Variants in SEMA3A observed in about 807,000 individuals in gnomAD.
SEMA3A encodes the protein semaphorin-3A.
Under a neutral mutation model 97.9 loss-of-function variants are expected in SEMA3A, and 29 were observed. The ratio of observed to expected loss-of-function variants is 0.30; its 90% CI spans 0.22 to 0.40. The LOEUF is 0.40. SEMA3A is among the 10% of genes least tolerant of loss of function. SEMA3A has a pLI of 1.00. For missense variants in SEMA3A, 763 were observed against 951.3 expected (o/e 0.80, Z 2.60); for synonymous variants, 321 against 323.7 (o/e 0.99, Z 0.09).
chr7:84,405,984 A>G (rs1239021008), intron 1 of SEMA3A, among the ~76,000 whole-genome samples: 1 of 152,196 alleles, frequency 6.6e-6, no homozygotes, highest in Non-Finnish European at 1.5e-5. Flanking sequence ...ACACAATTAA[A>G]AGAACTAGAG....
intron 3 of SEMA3A, among the ~76,000 whole-genome samples, chr7:84,120,837 T>C (rs1795588846): frequency 6.6e-6 from 1 of 152,126 alleles, no homozygotes; most frequent in Non-Finnish European, 1.5e-5. Context: ...TAACAAAAGA[T>C]TGTGACTCAG....
intron 5 of SEMA3A, among the ~76,000 whole-genome samples, chr7:84,047,383 T>C (rs914707509): frequency 6.6e-6 from 1 of 152,018 alleles, no homozygotes; most frequent in African/African-American, 2.4e-5. Context: ...CTATTAACAA[T>C]CTCATAATGT....
At chr7:84,218,401 A>T (rs1208744906) in intron 3 of SEMA3A, among the ~76,000 whole-genome samples, 1 of 152,166 alleles carries the variant, frequency 6.6e-6, no homozygotes, top group Non-Finnish European at 1.5e-5. Flanking sequence ...CCCATGAATT[A>T]CATGATCTTA....
intron 3 of SEMA3A, among the ~76,000 whole-genome samples, chr7:84,231,192 A>G (rs540580365): frequency 2.4e-4 from 36 of 152,180 alleles, no homozygotes; most frequent in African/African-American, 8.7e-4. Flanking sequence ...TGTTTCATTT[A>G]CACATGGGTT....
chr7:84,042,331 A>G (rs1792163910), intron 6 of SEMA3A, among the ~76,000 whole-genome samples: 1 of 152,094 alleles, frequency 6.6e-6, no homozygotes. Flanking sequence ...AAATTCCACT[A>G]AAAGAAAACA....
chr7:84,195,919 C>G (rs1163526673), upstream of SEMA3A, among the ~76,000 whole-genome samples: 2 of 152,160 alleles, frequency 1.3e-5, no homozygotes, highest in East Asian at 3.9e-4. Flanking sequence ...GGCATGTATT[C>G]AGGCAGTCAT....
chr7:84,225,568 G>A (rs1798970845), intron 3 of SEMA3A, among the ~76,000 whole-genome samples: 1 of 152,030 alleles, frequency 6.6e-6, no homozygotes, highest in Non-Finnish European at 1.5e-5. Flanking sequence ...TGAAAAGTGA[G>A]GAGGCTCTGT....
intron 1 of SEMA3A, among the ~76,000 whole-genome samples, chr7:84,414,209 G>C (rs1804361967): frequency 6.6e-6 from 1 of 151,852 alleles, no homozygotes; most frequent in African/African-American, 2.4e-5. Flanking sequence ...TTGAAATCTG[G>C]AAGCTATGCA....
chr7:84,365,863 AATAAC>A (rs1802835666), intron 2 of SEMA3A, among the ~76,000 whole-genome samples: 1 of 151,440 alleles, frequency 6.6e-6, no homozygotes, highest in South Asian at 2.1e-4. Flanking sequence ...ATCTACAATA[AATAAC>A]ATGAGTTTAA....
chr7:84,007,291 T>C (rs1037400445), intron 10 of SEMA3A, 62 bp downstream of exon 10: 6 of 1,379,502 alleles, frequency 4.3e-6, no homozygotes, highest in South Asian at 3.0e-5. Flanking sequence ...TGTAGCTGCA[T>C]TGTTTTTTGA....
rs543945483 is a variant in SEMA3A at position 84,475,257 on chromosome 7, G to A, written c.-246+17203C>T. ...TAGAGAGAGAGAGTCTGTTTTTGTC[G>A]TTGGTTTGTTTTTTCTGTCTGCTTA... On this transcript the variant is annotated intron_variant, in intron 1 of 3. Coordinates refer to the SEMA3A transcript ENST00000424555. Among the ~76,000 whole-genome samples the A allele has an allele frequency of 9.2e-5, 14 of 152,120 alleles. No individual in the cohort carries two copies. In the East Asian group the frequency reaches 2.1e-3, roughly 23 times the overall value.
chr7:84,460,977 C>T (rs977892644), intron 1 of SEMA3A, among the ~76,000 whole-genome samples: 5 of 152,076 alleles, frequency 3.3e-5, no homozygotes, highest in African/African-American at 1.2e-4. Context: ...AAGATAATTC[C>T]CAAAACATGC....
chr7:84,316,568 A>G (rs1801506584), intron 2 of SEMA3A, among the ~76,000 whole-genome samples: 1 of 152,152 alleles, frequency 6.6e-6, no homozygotes, highest in Non-Finnish European at 1.5e-5. Context: ...AAGTCTATAT[A>G]TTAAAATTAT....
In SEMA3A at chr7:84,237,285, A is replaced by C. The variant is rs920425988; in HGVS notation, c.-82-42617T>G. 3.3e-5 allele frequency among the ~76,000 whole-genome samples: 5 copies of C among 152,286 alleles called. No homozygotes were observed. The East Asian group carries it at 9.6e-4, about 29-fold the overall frequency. Reference sequence around the variant, plus strand: ...AACCACAGTCTAACTTATCAAATTTAAGATTAAGATTTGAGATAGTTTATA... The same window carrying C: ...AACCACAGTCTAACTTATCAAATTTCAGATTAAGATTTGAGATAGTTTATA... On this transcript the variant is annotated intron_variant, in intron 3 of 3. Transcript: ENST00000424555.
At chr7:84,420,243 A>G (rs1400703225) in intron 1 of SEMA3A, among the ~76,000 whole-genome samples, 1 of 151,996 alleles carries the variant, frequency 6.6e-6, no homozygotes, top group Admixed American at 6.6e-5. Flanking sequence ...TTGTGTTTAT[A>G]ATATAAATAG....
Position 84,060,548 on chromosome 7 carries a change from A to G in SEMA3A, c.464T>C (p.Phe155Ser). 6.3e-7 allele frequency: 1 copy of G among 1,589,974 alleles called. No homozygotes were observed. The highest frequency in any genetic ancestry group is 1.8e-5 in the Admixed American group (1 of 54,556). The change falls in exon 5 of 17, where the codon TTT (phenylalanine) becomes TCT (serine). Residue 155 changes from phenylalanine (F) to serine (S), a missense_variant. Physicochemically the swap from Phe to Ser is radical, Grantham distance 155 (BLOSUM62 -2). Transcript: ENST00000265362. ...EIGHHPEDNIFKLENSHFENG... is the reference protein window; with the variant it reads ...EIGHHPEDNISKLENSHFENG... ...TTCAAAATGTGAGTTCTCCAGCTTA[A>G]AAATATTGTCCTGTGGATTTAAAAA...
intron 1 of SEMA3A, among the ~76,000 whole-genome samples, chr7:84,448,240 G>T (rs1022987462): frequency 2.6e-5 from 4 of 152,172 alleles, no homozygotes; most frequent in South Asian, 4.1e-4. Flanking sequence ...TCTGGCTGGC[G>T]AAGTGACACC....
intron 4 of SEMA3A, among the ~76,000 whole-genome samples, chr7:84,088,061 C>T (rs1275772599): frequency 6.6e-6 from 1 of 152,092 alleles, no homozygotes; most frequent in Non-Finnish European, 1.5e-5. Context: ...ATTTATTTTT[C>T]CCCCAAATAT....
chr7:84,417,860 C>T (rs1804476128), intron 1 of SEMA3A, among the ~76,000 whole-genome samples: 1 of 152,052 alleles, frequency 6.6e-6, no homozygotes, highest in Non-Finnish European at 1.5e-5. Flanking sequence ...TGACTGAAAG[C>T]TGAATGTATG....
Sources: allele counts gnomAD v4.1 joint callset (sites outside exome capture counted in the v4.1 genomes callset), GRCh38; gene constraint gnomAD v4.1.1; transcripts MANE v1.5; gene names NCBI Gene and HGNC (gene_info 2026-07-23, HGNC 2026-07-21).